Variants in FAM227B observed in about 807,000 individuals in gnomAD.
FAM227B encodes the protein protein FAM227B.
A neutral mutation model predicts 73.8 loss-of-function variants in FAM227B; 88 were observed. The ratio of observed to expected loss-of-function variants is 1.19; its 90% CI spans 1.00 to 1.42. The LOEUF is 1.42. Ranked by LOEUF, FAM227B falls within the 40% of genes most tolerant of loss-of-function variation. The pLI is 0.00. For synonymous variants in FAM227B, 210 were observed against 190.5 expected, an observed-to-expected ratio of 1.10 and a Z score of -0.84; for missense variants, 632 against 590.9, an observed-to-expected ratio of 1.07 and a Z score of -0.72.
At chr15:49,574,549 T>A (rs1186762818) in intron 8 of FAM227B, among the ~76,000 whole-genome samples, 1 of 152,174 alleles carries the variant, frequency 6.6e-6, no homozygotes, top group African/African-American at 2.4e-5. Context: ...TGATTGTAAG[T>A]TTCCTGAGGC....
chr15:49,489,592 G>T (rs1230993552), intron 11 of FAM227B, among the ~76,000 whole-genome samples: 1 of 150,608 alleles, frequency 6.6e-6, no homozygotes, highest in Non-Finnish European at 1.5e-5. Context: ...TAAGATCATA[G>T]ATGCCAGCTG....
intron 3 of FAM227B, among the ~76,000 whole-genome samples, chr15:49,610,266 CA>C (rs1251308200): frequency 6.6e-6 from 1 of 151,706 alleles, no homozygotes; most frequent in Non-Finnish European, 1.5e-5. Flanking sequence ...CATTAGGCTG[CA>C]GCACATTTGC....
chr15:49,426,856 T>C (rs1248554638), intron 11 of FAM227B, among the ~76,000 whole-genome samples: 2 of 152,006 alleles, frequency 1.3e-5, no homozygotes, highest in East Asian at 1.9e-4. Context: ...ATATATGGTA[T>C]ACTTTCTTGA....
intron 11 of FAM227B, among the ~76,000 whole-genome samples, chr15:49,394,565 T>G (rs929732343): frequency 4.6e-5 from 7 of 152,196 alleles, no homozygotes; most frequent in African/African-American, 1.7e-4. Context: ...AATGAGACTA[T>G]TCGGCATGGT....
chr15:49,375,892 A>G (rs1157879379), intron 11 of FAM227B, among the ~76,000 whole-genome samples: 2 of 152,112 alleles, frequency 1.3e-5, no homozygotes, highest in Admixed American at 1.3e-4. Context: ...GACTATCTTT[A>G]TTTTATAACC....
chr15:49,506,750 T>A (rs919185664), intron 11 of FAM227B, among the ~76,000 whole-genome samples: 2 of 151,946 alleles, frequency 1.3e-5, no homozygotes, highest in Non-Finnish European at 1.5e-5. Context: ...TGTTAGAAAA[T>A]TTTTAATTAA....
chr15:49,343,880 C>A (rs542219553), intron 13 of FAM227B: 2 of 152,266 alleles, frequency 1.3e-5, no homozygotes, highest in South Asian at 4.1e-4. Flanking sequence ...AATAAGTGTC[C>A]ATATGAACTA....
intron 10 of FAM227B, among the ~76,000 whole-genome samples, chr15:49,526,789 A>C (rs1162669027): frequency 6.6e-6 from 1 of 152,042 alleles, no homozygotes; most frequent in Non-Finnish European, 1.5e-5. Context: ...CAAACTAGAA[A>C]ACCTAGAAGA....
Position 49,489,843 on chromosome 15 carries a change from ATATATATATATATATTT to A in FAM227B, c.1012+18351_1012+18367del, listed in dbSNP as rs1282593503. Among the ~76,000 whole-genome samples, 132 of 14,466 alleles carry A rather than the reference ATATATATATATATATTT, an allele frequency of 9.1e-3. 9 individuals are homozygous for A. The highest frequency in any genetic ancestry group is 0.061 in the East Asian group (14 of 228). The allele number at this position is 14,466 out of a possible 152,430, so 9.5% of individuals were successfully genotyped here. On this transcript the variant is annotated intron_variant, in intron 11 of 15. Transcript: ENST00000299338. Reference sequence around the variant, plus strand: ...TATTTTATATATATATATATATTTTATATATATATATATATTTTATATATATATATATATATATATAG... The same window carrying A: ...TATTTTATATATATATATATATTTTATATATATATATATATATATATATAG...
chr15:49,617,315 G>T (rs1375040199), intron 1 of FAM227B, among the ~76,000 whole-genome samples: 1 of 152,152 alleles, frequency 6.6e-6, no homozygotes, highest in African/African-American at 2.4e-5. Flanking sequence ...CTTCAAAAAA[G>T]TCTTTAAGAC....
intron 11 of FAM227B, chr15:49,422,686 A>G (rs867347398): frequency 8.4e-7 from 1 of 1,189,922 alleles, no homozygotes; most frequent in African/African-American, 1.5e-5. Context: ...TCCAACACAA[A>G]TAAGAATCTA....
chr15:49,541,685 C>A lies in FAM227B; in HGVS notation c.869G>T (p.Cys290Phe). Reference sequence around the variant, plus strand: ...TTTAAATGATATATTCATACCTGAACACCAAAGAAAAATGTTATTCCCTAG... The same window carrying A: ...TTTAAATGATATATTCATACCTGAAAACCAAAGAAAAATGTTATTCCCTAG... ...EDLGNNIFLW[C>F]SGLKPQKGFW... The change falls in exon 10 of 16, where the codon TGT (cysteine) becomes TTT (phenylalanine). Residue 290 changes from cysteine (C) to phenylalanine (F), a missense_variant. Cys to Phe is a radical substitution (Grantham distance 205). Coordinates refer to ENST00000299338, the MANE Select transcript of FAM227B (RefSeq NM_152647.3). The A allele has an allele frequency of 6.7e-7, 1 of 1,502,334 alleles. No individual in the cohort carries two copies. The highest frequency in any genetic ancestry group is 8.9e-7 in the Non-Finnish European group (1 of 1,128,964). The allele number at this position is 1,502,334 out of a possible 1,614,324, so 93.1% of individuals were successfully genotyped here. A position where few individuals can be genotyped will look rare whatever the true frequency, so the allele number is the denominator to read the frequency against.
At chr15:49,560,938 T>C (rs6493376) in intron 9 of FAM227B, among the ~76,000 whole-genome samples, 49,889 of 151,926 alleles carry the variant, frequency 0.33, 8,972 homozygotes, top group African/African-American at 0.46. Flanking sequence ...CTTAAGTATA[T>C]AACCCACATA....
intron 11 of FAM227B, among the ~76,000 whole-genome samples, chr15:49,470,117 C>T (rs986784032): frequency 3.3e-5 from 5 of 151,968 alleles, no homozygotes; most frequent in African/African-American, 9.7e-5. Flanking sequence ...TTGAAGACCA[C>T]GGTATTATGA....
intron 1 of FAM227B, among the ~76,000 whole-genome samples, chr15:49,616,260 G>A (rs546151241): frequency 5.9e-5 from 9 of 152,194 alleles, no homozygotes; most frequent in African/African-American, 2.2e-4. Context: ...AATATGATTG[G>A]TGTCATTATG....
At chr15:49,533,618 T>C (rs972005022) in intron 10 of FAM227B, among the ~76,000 whole-genome samples, 1 of 151,874 alleles carries the variant, frequency 6.6e-6, no homozygotes, top group African/African-American at 2.4e-5. Flanking sequence ...TTTATTATTA[T>C]ATGAATAACC....
chr15:49,602,353 T>C (rs1294976073), intron 3 of FAM227B, among the ~76,000 whole-genome samples: 2 of 142,298 alleles, frequency 1.4e-5, no homozygotes, highest in Non-Finnish European at 3.3e-5. Flanking sequence ...GGGGTGAGAT[T>C]GTATGTCACT....
intron 11 of FAM227B, among the ~76,000 whole-genome samples, chr15:49,454,632 C>A (rs190728519): frequency 1.3e-5 from 2 of 152,166 alleles, no homozygotes; most frequent in Admixed American, 1.3e-4. Flanking sequence ...TTTTTTGAGA[C>A]GAAGTCTCGC....
chr15:49,411,159 C>T (rs2048850735), intron 11 of FAM227B, among the ~76,000 whole-genome samples: 1 of 151,634 alleles, frequency 6.6e-6, no homozygotes, highest in African/African-American at 2.4e-5. Flanking sequence ...TAGAACCCCC[C>T]AAAAAATCCC....
Sources: allele counts gnomAD v4.1 joint callset (sites outside exome capture counted in the v4.1 genomes callset), GRCh38; gene constraint gnomAD v4.1.1; transcripts MANE v1.5; gene names NCBI Gene and HGNC (gene_info 2026-07-23, HGNC 2026-07-21).